The following PRKD1 variants were observed in gnomAD, a reference collection of about 807,000 sequenced individuals.
The protein encoded by PRKD1 is protein kinase D1.
In PRKD1, 63 loss-of-function variants were observed where a neutral mutation model predicts 95.9. That is an observed-to-expected ratio of 0.66 (90% CI 0.54 to 0.81). The LOEUF is 0.81. PRKD1 is among the 30% of genes least tolerant of loss of function. The pLI is 0.00. For synonymous variants in PRKD1, 425 were observed against 423.1 expected (o/e 1.00, Z -0.05); for missense variants, 1,048 against 1,165.3 (o/e 0.90, Z 1.47).
chr14:29,805,681 G>A (rs894596110), intron 1 of PRKD1, among the ~76,000 whole-genome samples: 1 of 152,212 alleles, frequency 6.6e-6, no homozygotes, highest in Non-Finnish European at 1.5e-5. Context: ...GCAAGGAGAG[G>A]TTAAAAAACT....
intron 1 of PRKD1, among the ~76,000 whole-genome samples, chr14:29,910,055 G>C (rs550848852): frequency 6.6e-6 from 1 of 152,256 alleles, no homozygotes; most frequent in Admixed American, 6.5e-5. Flanking sequence ...AACCTGCTGG[G>C]GTCCCCTTCC....
intron 4 of PRKD1, among the ~76,000 whole-genome samples, chr14:29,648,905 T>C (rs927292153): frequency 3.9e-5 from 6 of 152,262 alleles, no homozygotes; most frequent in South Asian, 4.1e-4. Flanking sequence ...CCGCCCGCCT[T>C]GGCCTCCCAA....
At chr14:29,826,860 T>TATATACACAC (rs1555348630) in intron 1 of PRKD1, among the ~76,000 whole-genome samples, 1 of 98,902 alleles carries the variant, frequency 1.0e-5, no homozygotes, top group African/African-American at 3.9e-5. Context: ...TATATATATA[T>TATATACACAC]ATATATATAT....
intron 1 of PRKD1, among the ~76,000 whole-genome samples, chr14:29,862,374 G>C (rs559462567): frequency 1.3e-5 from 2 of 152,270 alleles, no homozygotes; most frequent in East Asian, 3.9e-4. Context: ...TTTCGGGGAG[G>C]GGGGTGGTAT....
intron 1 of PRKD1, among the ~76,000 whole-genome samples, chr14:29,740,236 C>T (rs939172411): frequency 6.6e-6 from 1 of 152,088 alleles, no homozygotes; most frequent in African/African-American, 2.4e-5. Context: ...ATAAAACTGT[C>T]ACTATAGCAC....
At position 29,676,656 on chromosome 14, in the gene PRKD1, T is replaced by A. The variant is rs78833047; in HGVS notation, c.404-10448A>T. 5.5e-3 allele frequency among the ~76,000 whole-genome samples: 841 copies of A among 152,268 alleles called. 6 individuals carry two copies. The highest frequency in any genetic ancestry group is 0.019 in the African/African-American group (794 of 41,558). On this transcript the variant is annotated intron_variant, in intron 2 of 17. Transcript: ENST00000331968. The stretch of plus-strand genomic sequence containing the variant: ...GCATCAGCCACAGCGCCCGGCCAAG[T>A]TCAGTTTTTAACCTGTTTAGTACAA...
In PRKD1 at chr14:29,848,213, A is replaced by G. The variant is rs548643554; in HGVS notation, c.264+79036T>C. Among the ~76,000 whole-genome samples, 7 of 152,242 alleles carry G rather than the reference A, an allele frequency of 4.6e-5. No homozygotes were observed. In the East Asian group the frequency reaches 1.2e-3, roughly 25 times the overall value. On this transcript the variant is annotated intron_variant, in intron 1 of 17. Transcript: ENST00000331968. Reference sequence around the variant, plus strand: ...CAAAAAGGACACTGTCTTAAATATCAGAGATCTGTGTTCTGATTGCTGATT... The same window carrying G: ...CAAAAAGGACACTGTCTTAAATATCGGAGATCTGTGTTCTGATTGCTGATT...
At chr14:29,745,999 A>G (rs1315382355) in intron 1 of PRKD1, among the ~76,000 whole-genome samples, 3 of 152,204 alleles carry the variant, frequency 2.0e-5, no homozygotes, top group Non-Finnish European at 4.4e-5. Context: ...CTCTTAAAAT[A>G]AAAGCAGTAT....
intron 1 of PRKD1, among the ~76,000 whole-genome samples, chr14:29,826,439 T>C (rs1812234091): frequency 1.3e-5 from 1 of 79,200 alleles, no homozygotes; most frequent in African/African-American, 5.8e-5. Context: ...TGATGGAATA[T>C]ATATATACAT....
chr14:29,772,695 T>C (rs1196732941), intron 1 of PRKD1, among the ~76,000 whole-genome samples: 4 of 152,214 alleles, frequency 2.6e-5, no homozygotes, highest in Non-Finnish European at 5.9e-5. Flanking sequence ...CTGTACACAT[T>C]AGATCAGCAG....
At chr14:29,882,076 A>C (rs1270993914) in intron 1 of PRKD1, among the ~76,000 whole-genome samples, 9 of 152,212 alleles carry the variant, frequency 5.9e-5, no homozygotes, top group African/African-American at 2.2e-4. Flanking sequence ...ATATATCAGA[A>C]CTCAGCTCAA....
intron 1 of PRKD1, among the ~76,000 whole-genome samples, chr14:29,752,585 A>T (rs1851576963): frequency 6.6e-6 from 1 of 150,892 alleles, no homozygotes; most frequent in African/African-American, 2.4e-5. Context: ...TATTATATAT[A>T]TATATAATTT....
At chr14:29,682,046 G>A (rs4981055) in intron 2 of PRKD1, among the ~76,000 whole-genome samples, 78,905 of 152,008 alleles carry the variant, frequency 0.52, 23,098 homozygotes, top group African/African-American at 0.8. Flanking sequence ...ATGAACAAGT[G>A]GAAAGTGAGA....
rs200478549 is a variant in PRKD1, at chr14:29,849,556, AAAC to A, written c.264+77690_264+77692del. Among the ~76,000 whole-genome samples the A allele has an allele frequency of 1.6e-4, 24 of 150,498 alleles. 1 individual carries two copies. The highest frequency in any genetic ancestry group is 9.8e-4 in the East Asian group (5 of 5,118). ...GTTAAAAAACTGAATCAGTGAAGTA[AAAC>A]AACAACAACAACAACAACAAAAAAA... On this transcript the variant is annotated intron_variant, in intron 1 of 17. Transcript: ENST00000331968.
chr14:29,660,791 C>T (rs1379370694), intron 4 of PRKD1, among the ~76,000 whole-genome samples: 2 of 151,994 alleles, frequency 1.3e-5, no homozygotes, highest in Non-Finnish European at 2.9e-5. Flanking sequence ...TCTACAGTTG[C>T]CCAAAAGTCC....
chr14:29,787,362 C>A lies in PRKD1; in HGVS notation c.265-61688G>T, dbSNP rs1387701445. ...AGATCCGTTTGGTTTATATATAGTG[C>A]AGATTAAGTCCAATGTTACTTTGCT... On this transcript the variant is annotated intron_variant, in intron 1 of 17. Transcript: ENST00000331968. 2.6e-5 allele frequency among the ~76,000 whole-genome samples: 4 copies of A among 151,568 alleles called. No individual in the cohort carries two copies. The East Asian group carries it at 7.7e-4, about 29-fold the overall frequency.
intron 1 of PRKD1, among the ~76,000 whole-genome samples, chr14:29,899,765 C>T (rs186254259): frequency 6.9e-4 from 105 of 152,292 alleles, no homozygotes; most frequent in African/African-American, 2.5e-3. Context: ...GGACTGACTG[C>T]TTAGTATGTG....
At chr14:29,869,193 A>AG (rs1211281888) in intron 1 of PRKD1, among the ~76,000 whole-genome samples, 3 of 152,184 alleles carry the variant, frequency 2.0e-5, no homozygotes, top group Non-Finnish European at 4.4e-5. Flanking sequence ...CTGTAATCCC[A>AG]GCACTTTGGG....
chr14:29,795,852 A>C (rs1484089025), intron 1 of PRKD1, among the ~76,000 whole-genome samples: 1 of 152,156 alleles, frequency 6.6e-6, no homozygotes, highest in Non-Finnish European at 1.5e-5. Context: ...CAATGTGTTT[A>C]AGCAGTGCAG....
Sources: allele counts gnomAD v4.1 joint callset (sites outside exome capture counted in the v4.1 genomes callset), GRCh38; gene constraint gnomAD v4.1.1; transcripts MANE v1.5; gene names NCBI Gene and HGNC (gene_info 2026-07-23, HGNC 2026-07-21).